TGFBR3: variants seen among roughly 807,000 people sequenced by gnomAD.
TGFBR3 encodes transforming growth factor beta receptor type 3.
TGFBR3 carries 46 observed loss-of-function variants against 87.9 expected under a neutral mutation model. The ratio of observed to expected loss-of-function variants is 0.52; its 90% CI spans 0.41 to 0.67. The LOEUF is 0.67. Among genes scored for constraint, TGFBR3 ranks in the 30% least tolerant of loss-of-function variants. The probability of loss-of-function intolerance (pLI) is 0.00; values close to 1 mark genes in which losing one functional copy is unlikely to be tolerated. For missense variants in TGFBR3, 866 were observed against 1,041.9 expected (o/e 0.83, Z 2.32); for synonymous variants, 381 against 391.6 (o/e 0.97, Z 0.32).
intron 4 of TGFBR3, among the ~76,000 whole-genome samples, chr1:91,756,191 C>G (rs925662838): frequency 3.3e-5 from 5 of 152,164 alleles, no homozygotes; most frequent in African/African-American, 1.2e-4. Context: ...TGAAATGTGG[C>G]TAAGCAGGAC....
At chr1:91,866,719 G>A (rs1181953488) in intron 1 of TGFBR3, 3 of 152,122 alleles carry the variant, frequency 2.0e-5, no homozygotes, top group African/African-American at 4.8e-5. Context: ...GTAACTACAC[G>A]ATATAATCAG....
In TGFBR3 at chr1:91,695,671, C is replaced by A; in HGVS notation, c.2437+1G>T. On this transcript the variant is annotated splice_donor_variant, in intron 16 of 16. Transcript: ENST00000212355. LOFTEE classifies it high-confidence loss of function. ...AACTCTTACTCAACAGTCACACTAA[C>A]CTGTGTGAGAATAGATGTACCACAA... 1 of 1,609,686 alleles carries A rather than the reference C, an allele frequency of 6.2e-7. No individual in the cohort carries two copies. The highest frequency in any genetic ancestry group is 1.3e-5 in the African/African-American group (1 of 74,932).
chr1:91,741,378 G>A (rs964233668), intron 4 of TGFBR3, among the ~76,000 whole-genome samples: 1 of 152,126 alleles, frequency 6.6e-6, no homozygotes, highest in Non-Finnish European at 1.5e-5. Context: ...CCCTCTCGGA[G>A]AGCGCCACTC....
rs1671004757 is a variant in TGFBR3, at chr1:91,683,942, TG to T, written c.2438-86del. 6.4e-5 allele frequency: 84 copies of T among 1,320,556 alleles called. No individual in the cohort carries two copies. The South Asian group carries it at 1.0e-3, about 16-fold the overall frequency. The allele number at this position is 1,320,556 out of a possible 1,614,324, so 81.8% of individuals were successfully genotyped here. On this transcript the variant is annotated intron_variant, in intron 16 of 16. Coordinates refer to ENST00000212355, the MANE Select transcript of TGFBR3 (RefSeq NM_003243.5). The stretch of plus-strand genomic sequence containing the variant: ...CTGAAAAGATCATTTATTCCGCATT[TG>T]CCATTTTAACTGATATTTTTCTCAA...
intron 3 of TGFBR3, among the ~76,000 whole-genome samples, chr1:91,763,904 A>G (rs1674066520): frequency 6.6e-6 from 1 of 152,200 alleles, no homozygotes; most frequent in African/African-American, 2.4e-5. Flanking sequence ...TATTTTATTC[A>G]CCATTGCTTG....
At chr1:91,738,922 A>C (rs1673053429) in intron 4 of TGFBR3, among the ~76,000 whole-genome samples, 1 of 152,206 alleles carries the variant, frequency 6.6e-6, no homozygotes, top group Non-Finnish European at 1.5e-5. Flanking sequence ...TGAGAAGTTA[A>C]AGACCTAAAG....
intron 3 of TGFBR3, among the ~76,000 whole-genome samples, chr1:91,792,301 A>T (rs1219921090): frequency 6.6e-6 from 1 of 152,120 alleles, no homozygotes; most frequent in Non-Finnish European, 1.5e-5. Flanking sequence ...TGAGGCAGAG[A>T]AGCTCATAGG....
intron 5 of TGFBR3, among the ~76,000 whole-genome samples, chr1:91,730,694 C>T (rs988068392): frequency 1.1e-4 from 17 of 152,174 alleles, no homozygotes; most frequent in South Asian, 4.1e-4. Flanking sequence ...ATTAATCCTC[C>T]GACACCCCAT....
intron 2 of TGFBR3, among the ~76,000 whole-genome samples, chr1:91,805,485 C>A (rs565435125): frequency 6.6e-6 from 1 of 152,346 alleles, no homozygotes; most frequent in Admixed American, 6.5e-5. Context: ...CAAGATGCTA[C>A]TTCTACTGAC....
At chr1:91,723,480 TAA>T (rs58578681) in intron 7 of TGFBR3, among the ~76,000 whole-genome samples, 3,565 of 107,680 alleles carry the variant, frequency 0.033, 58 homozygotes, top group East Asian at 0.096. Context: ...GACCCTGCCT[TAA>T]AAAAAAAAAA....
intron 1 of TGFBR3, chr1:91,863,794 A>G (rs989593566): frequency 2.6e-5 from 4 of 152,376 alleles, no homozygotes; most frequent in Middle Eastern, 3.4e-3. Context: ...TGACTAAATT[A>G]TAGAGATAAT....
At chr1:91,815,956 A>G (rs1464203930) in intron 2 of TGFBR3, among the ~76,000 whole-genome samples, 3 of 152,182 alleles carry the variant, frequency 2.0e-5, no homozygotes, top group African/African-American at 7.2e-5. Context: ...TCATTACCTA[A>G]TGAAACGGGG....
In TGFBR3 at chr1:91,764,085, C is replaced by T. The variant is rs375998425; in HGVS notation, c.247-5335G>A. 1.4e-4 allele frequency among the ~76,000 whole-genome samples: 21 copies of T among 151,694 alleles called. 1 individual carries two copies. The East Asian group carries it at 3.9e-3, about 28-fold the overall frequency. On this transcript the variant is annotated intron_variant, in intron 3 of 16. Coordinates refer to ENST00000212355, the MANE Select transcript of TGFBR3 (RefSeq NM_003243.5). Reference sequence around the variant, plus strand: ...GAAATCTTGACATACACACACATTCCCCCCCACACACACCCAGGGTCCCCA... The same window carrying T: ...GAAATCTTGACATACACACACATTCTCCCCCACACACACCCAGGGTCCCCA...
chr1:91,708,287 T>C (rs1316620867), intron 14 of TGFBR3, among the ~76,000 whole-genome samples: 1 of 152,194 alleles, frequency 6.6e-6, no homozygotes, highest in Non-Finnish European at 1.5e-5. Context: ...GCATAAACTT[T>C]AGCAGTAGAT....
intron 3 of TGFBR3, among the ~76,000 whole-genome samples, chr1:91,794,111 T>C (rs191493564): frequency 6.6e-6 from 1 of 152,276 alleles, no homozygotes; most frequent in East Asian, 1.9e-4. Flanking sequence ...TACCATAAAA[T>C]TCACCCACTT....
upstream of TGFBR3, among the ~76,000 whole-genome samples, chr1:91,888,832 A>G (rs1679387745): frequency 6.6e-6 from 1 of 152,222 alleles, no homozygotes. Context: ...CCAGATTCAC[A>G]ACAGTAACCA....
At chr1:91,687,273 C>A (rs1671119419) in intron 16 of TGFBR3, among the ~76,000 whole-genome samples, 1 of 152,142 alleles carries the variant, frequency 6.6e-6, no homozygotes, top group African/African-American at 2.4e-5. Context: ...GAGCTATGAT[C>A]TCACCTGTGA....
At chr1:91,737,832 A>T (rs775044297) in intron 4 of TGFBR3, among the ~76,000 whole-genome samples, 6 of 152,190 alleles carry the variant, frequency 3.9e-5, no homozygotes, top group Admixed American at 2.0e-4. Context: ...CAAGGTCTCC[A>T]GGTATGGTCT....
At chr1:91,860,233 C>A (rs573553587) in intron 2 of TGFBR3, among the ~76,000 whole-genome samples, 11 of 152,294 alleles carry the variant, frequency 7.2e-5, no homozygotes, top group South Asian at 2.1e-4. Context: ...TAAGTGAGCT[C>A]ATTAAATAAG....
Sources: gnomAD v4.1 joint callset for allele counts (sites outside exome capture counted in the v4.1 genomes callset) on GRCh38, gnomAD v4.1.1 for gene constraint, MANE v1.5 for transcripts, NCBI Gene and HGNC (gene_info 2026-07-23, HGNC 2026-07-21) for gene names.